PTPRM: variants seen among roughly 807,000 people sequenced by gnomAD.
The protein encoded by PTPRM is protein tyrosine phosphatase receptor type M.
A neutral mutation model predicts 186.7 loss-of-function variants in PTPRM; 47 were observed. The ratio of observed to expected loss-of-function variants is 0.25; its 90% CI spans 0.20 to 0.32. The LOEUF is 0.32. Ranked by LOEUF, PTPRM falls within the 10% of genes least tolerant of loss-of-function variation. The pLI is 1.00. For synonymous variants in PTPRM, 668 were observed against 674.9 expected (o/e 0.99, Z 0.16); for missense variants, 1,494 against 1,865.0 (o/e 0.80, Z 3.66).
intron 13 of PTPRM, among the ~76,000 whole-genome samples, chr18:8,115,982 T>C (rs17397183): frequency 0.047 from 7,094 of 152,318 alleles, 224 homozygotes; most frequent in Middle Eastern, 0.17. Context: ...CAAAAATCTA[T>C]TTATACTAAT....
intron 1 of PTPRM, among the ~76,000 whole-genome samples, chr18:7,709,246 A>G (rs2040160953): frequency 6.6e-6 from 1 of 152,184 alleles, no homozygotes; most frequent in Admixed American, 6.5e-5. Flanking sequence ...CTGGAAATTA[A>G]CTTCAAAAGG....
chr18:7,729,504 T>C (rs1598448558), intron 1 of PTPRM, among the ~76,000 whole-genome samples: 2 of 151,686 alleles, frequency 1.3e-5, no homozygotes, highest in African/African-American at 2.4e-5. Context: ...GTATTTAAAA[T>C]AGCATTTATT....
intron 2 of PTPRM, among the ~76,000 whole-genome samples, chr18:7,831,364 G>A (rs539787871): frequency 6.1e-4 from 92 of 151,894 alleles, no homozygotes; most frequent in Non-Finnish European, 1.2e-3. Context: ...GCCTTCCTGA[G>A]TTATTTTTTT....
At chr18:7,936,040 C>T (rs1034542011) in intron 5 of PTPRM, among the ~76,000 whole-genome samples, 1 of 152,154 alleles carries the variant, frequency 6.6e-6, no homozygotes, top group Non-Finnish European at 1.5e-5. Flanking sequence ...TCCAAGTATC[C>T]GAGGCTATCC....
chr18:7,726,075 C>G (rs938781423), intron 1 of PTPRM, among the ~76,000 whole-genome samples: 7 of 152,164 alleles, frequency 4.6e-5, no homozygotes, highest in Non-Finnish European at 7.3e-5. Flanking sequence ...GCTCCTGCAC[C>G]TGTTCACATG....
In PTPRM at chr18:8,029,892, G is replaced by T. The variant is rs146621745; in HGVS notation, c.1133-39794G>T. ...CCTGTGTGATCTGACCATCCGTGTG[G>T]CTGAGGTGGCCTGTCTGCATGCCTC... On this transcript the variant is annotated intron_variant, in intron 7 of 32. Transcript: ENST00000580170. Among the ~76,000 whole-genome samples the T allele has an allele frequency of 4.9e-3, 751 of 152,296 alleles. 1 individual carries two copies. The highest frequency in any genetic ancestry group is 7.3e-3 in the Non-Finnish European group (494 of 68,038).
chr18:8,041,682 A>G (rs1005747469), intron 7 of PTPRM, among the ~76,000 whole-genome samples: 1 of 152,212 alleles, frequency 6.6e-6, no homozygotes, highest in Non-Finnish European at 1.5e-5. Flanking sequence ...GCAGATGAAC[A>G]ATCGTCAGAC....
intron 7 of PTPRM, among the ~76,000 whole-genome samples, chr18:7,984,602 T>TATATATATATATATATATATACACAC (rs1214502563): frequency 1.4e-4 from 12 of 87,154 alleles, no homozygotes; most frequent in African/African-American, 5.9e-4. Context: ...TATATATATA[T>TATATATATATATATATATATACACAC]ACACACACAC....
intron 18 of PTPRM, among the ~76,000 whole-genome samples, chr18:8,252,861 C>T (rs1291520593): frequency 6.6e-5 from 10 of 152,064 alleles, no homozygotes; most frequent in South Asian, 4.1e-4. Context: ...TGTCATCATA[C>T]GAACTACTGA....
chr18:8,173,726 G>A (rs1243563336), intron 14 of PTPRM, among the ~76,000 whole-genome samples: 1 of 152,186 alleles, frequency 6.6e-6, no homozygotes, highest in Non-Finnish European at 1.5e-5. Context: ...GTGGGTCTGT[G>A]TGGGGCATGG....
chr18:8,082,726 C>A (rs1381264439), intron 9 of PTPRM, among the ~76,000 whole-genome samples: 2 of 151,838 alleles, frequency 1.3e-5, no homozygotes, highest in East Asian at 3.9e-4. Flanking sequence ...GTGACCCCCT[C>A]CATTCCAGAA....
At chr18:8,321,228 T>C (rs2095343576) in intron 22 of PTPRM, among the ~76,000 whole-genome samples, 2 of 152,312 alleles carry the variant, frequency 1.3e-5, no homozygotes, top group East Asian at 3.9e-4. Context: ...CGAGCTTCAT[T>C]TCTCTCCAAT....
At chr18:7,979,880 C>A (rs2082451042) in intron 7 of PTPRM, among the ~76,000 whole-genome samples, 1 of 152,118 alleles carries the variant, frequency 6.6e-6, no homozygotes, top group South Asian at 2.1e-4. Context: ...CTGAAAAGGA[C>A]TGAGGGTGAG....
At chr18:8,126,008 TA>T (rs1568383449) in intron 13 of PTPRM, among the ~76,000 whole-genome samples, 283 of 22,504 alleles carry the variant, frequency 0.013, 12 homozygotes, top group African/African-American at 0.028. Context: ...TATATATATA[TA>T]TATATATATA....
chr18:8,377,682 C>G (rs2095705495), intron 26 of PTPRM: 1 of 152,136 alleles, frequency 6.6e-6, no homozygotes, highest in Admixed American at 6.5e-5. Context: ...TGATAAGACT[C>G]TACCAATGAA....
chr18:7,815,190 T>G (rs2044745076), intron 2 of PTPRM: 1 of 152,300 alleles, frequency 6.6e-6, no homozygotes, highest in Non-Finnish European at 1.5e-5. Context: ...TCCTTACCCT[T>G]TCCTGGTCTT....
chr18:8,196,043 G>A (rs1298633676), intron 14 of PTPRM, among the ~76,000 whole-genome samples: 1 of 152,156 alleles, frequency 6.6e-6, no homozygotes, highest in Non-Finnish European at 1.5e-5. Context: ...CTGGCTAGAG[G>A]TAACAATCTT....
chr18:8,352,977 G>GT (rs2095544096), intron 23 of PTPRM, among the ~76,000 whole-genome samples: 1 of 151,926 alleles, frequency 6.6e-6, no homozygotes, highest in South Asian at 2.1e-4. Flanking sequence ...GCCCGATTTC[G>GT]TTTTTTATGG....
At chr18:8,081,591 A>G (rs2090132256) in intron 9 of PTPRM, among the ~76,000 whole-genome samples, 1 of 152,168 alleles carries the variant, frequency 6.6e-6, no homozygotes, top group East Asian at 1.9e-4. Flanking sequence ...GCATGGGAGT[A>G]TATTTTGGTG....
Sources: gnomAD v4.1 joint callset for allele counts (sites outside exome capture counted in the v4.1 genomes callset) on GRCh38, gnomAD v4.1.1 for gene constraint, MANE v1.5 for transcripts, NCBI Gene and HGNC (gene_info 2026-07-23, HGNC 2026-07-21) for gene names.